The following SNTG2 variants were observed in gnomAD, a reference collection of about 807,000 sequenced individuals.
The protein encoded by SNTG2 is gamma-2-syntrophin.
A neutral mutation model predicts 70.9 loss-of-function variants in SNTG2; 74 were observed. The observed-to-expected ratio is 1.04, with a 90% confidence interval of 0.86 to 1.27. The LOEUF is 1.27. SNTG2 is among the 50% of genes most tolerant of loss of function. The pLI, the probability that SNTG2 is intolerant of heterozygous loss-of-function variation, is 0.00. For synonymous variants in SNTG2, 278 were observed against 273.8 expected (o/e 1.02, Z -0.15); for missense variants, 717 against 690.7 (o/e 1.04, Z -0.43).
At chr2:1,120,407 A>G (rs1414754491) in intron 4 of SNTG2, among the ~76,000 whole-genome samples, 3 of 152,332 alleles carry the variant, frequency 2.0e-5, no homozygotes, top group Non-Finnish European at 2.9e-5. Context: ...ATCTATCAAT[A>G]ATCACCTGGA....
intron 2 of SNTG2, among the ~76,000 whole-genome samples, chr2:1,091,404 A>G (rs1665018009): frequency 6.6e-6 from 1 of 152,160 alleles, no homozygotes; most frequent in Non-Finnish European, 1.5e-5. Context: ...TTCAGAGGAG[A>G]AGAGCATCTT....
At chr2:1,259,285 A>G in intron 12 of SNTG2, 85 bp from the exon 13 acceptor site, 1 of 1,133,778 alleles carries the variant, frequency 8.8e-7, no homozygotes, top group Non-Finnish European at 1.3e-6. Flanking sequence ...GTGGACACAC[A>G]TGCAGTCACA....
At chr2:953,585 G>A (rs1309131083) in intron 1 of SNTG2, among the ~76,000 whole-genome samples, 3 of 152,178 alleles carry the variant, frequency 2.0e-5, no homozygotes, top group Non-Finnish European at 2.9e-5. Flanking sequence ...CTTTGGTTAT[G>A]TTTCTCATCC....
At chr2:1,130,740 TAC>T (rs1205189371) in intron 4 of SNTG2, among the ~76,000 whole-genome samples, 1 of 152,194 alleles carries the variant, frequency 6.6e-6, no homozygotes, top group Non-Finnish European at 1.5e-5. Context: ...TTTGCTAGAG[TAC>T]AGTGTTGGAG....
At chr2:1,184,801 C>T (rs368107122) in intron 8 of SNTG2, among the ~76,000 whole-genome samples, 1 of 152,230 alleles carries the variant, frequency 6.6e-6, no homozygotes, top group African/African-American at 2.4e-5. Flanking sequence ...GACACAAATC[C>T]AAAACATATC....
chr2:996,673 GTTTTTTTTTTTTTTT>G, intron 1 of SNTG2, among the ~76,000 whole-genome samples: 6 of 35,114 alleles, frequency 1.7e-4, no homozygotes, highest in South Asian at 1.6e-3. Context: ...GAGTTACCCA[GTTTTTTTTTTTTTTT>G]TTTTTTTTTT....
chr2:1,185,974 A>G (rs1176248216), intron 8 of SNTG2, among the ~76,000 whole-genome samples: 9 of 152,340 alleles, frequency 5.9e-5, no homozygotes, highest in Admixed American at 5.9e-4. Context: ...CTTTCCTTCT[A>G]TATAAGTTCT....
intron 13 of SNTG2, among the ~76,000 whole-genome samples, chr2:1,259,911 C>T (rs56341802): frequency 0.092 from 14,058 of 152,248 alleles, 719 homozygotes; most frequent in South Asian, 0.15. Flanking sequence ...TGGGGCTGCC[C>T]GGAGCCTGGA....
intron 6 of SNTG2, among the ~76,000 whole-genome samples, chr2:1,145,785 A>G (rs1473013152): frequency 6.6e-6 from 1 of 152,242 alleles, no homozygotes; most frequent in Non-Finnish European, 1.5e-5. Flanking sequence ...TCTCATGAAC[A>G]TAGATGCAAA....
At chr2:1,043,454 G>A (rs1468839242) in intron 1 of SNTG2, among the ~76,000 whole-genome samples, 1 of 152,114 alleles carries the variant, frequency 6.6e-6, no homozygotes, top group African/African-American at 2.4e-5. Flanking sequence ...TGTTTCTGTT[G>A]CAATTGCATT....
intron 1 of SNTG2, among the ~76,000 whole-genome samples, chr2:993,199 A>G (rs1391074242): frequency 2.7e-5 from 4 of 148,066 alleles, no homozygotes; most frequent in African/African-American, 9.9e-5. Context: ...AGCATTAGGT[A>G]TATCTCCCAA....
intron 1 of SNTG2, among the ~76,000 whole-genome samples, chr2:1,020,227 G>T (rs1241354843): frequency 6.6e-6 from 1 of 152,240 alleles, no homozygotes; most frequent in Non-Finnish European, 1.5e-5. Flanking sequence ...TAGACGTGGG[G>T]TGGATGGTGG....
chr2:1,169,399 C>T (rs1670973271), intron 7 of SNTG2, among the ~76,000 whole-genome samples: 1 of 152,104 alleles, frequency 6.6e-6, no homozygotes, highest in Admixed American at 6.5e-5. Flanking sequence ...TGCGTCTAAG[C>T]CAGCTTCCCT....
chr2:1,031,633 C>A (rs1421633063), intron 1 of SNTG2, among the ~76,000 whole-genome samples: 1 of 148,450 alleles, frequency 6.7e-6, no homozygotes, highest in East Asian at 2.0e-4. Flanking sequence ...AGGGTTCAAG[C>A]AATTCTCCTG....
At chr2:1,355,629 G>A (rs1280271721) in intron 16 of SNTG2, among the ~76,000 whole-genome samples, 2 of 152,126 alleles carry the variant, frequency 1.3e-5, no homozygotes, top group Admixed American at 6.5e-5. Flanking sequence ...GCTATTGTGA[G>A]TAGTGCTGTA....
intron 1 of SNTG2, among the ~76,000 whole-genome samples, chr2:1,070,910 A>G (rs904538447): frequency 6.6e-6 from 1 of 152,238 alleles, no homozygotes; most frequent in Non-Finnish European, 1.5e-5. Flanking sequence ...GAGGGTGTGC[A>G]GTGCCTGCTG....
intron 8 of SNTG2, among the ~76,000 whole-genome samples, chr2:1,176,902 C>A (rs1469792765): frequency 2.6e-5 from 4 of 152,148 alleles, no homozygotes; most frequent in African/African-American, 9.7e-5. Context: ...TTCATTCAAC[C>A]ATTGTGGAAG....
At chr2:1,111,229 A>C (rs540700332) in intron 4 of SNTG2, among the ~76,000 whole-genome samples, 2 of 152,360 alleles carry the variant, frequency 1.3e-5, no homozygotes, top group South Asian at 4.1e-4. Flanking sequence ...TGGACTTAGT[A>C]GCTGAATGAG....
At position 1,338,430 on chromosome 2, in the gene SNTG2, G is replaced by A. The variant is rs1479748460; in HGVS notation, c.1488+22055G>A. Among the ~76,000 whole-genome samples the A allele has an allele frequency of 2.0e-5, 3 of 151,864 alleles. No individual in the cohort carries two copies. The East Asian group carries it at 5.8e-4, about 29-fold the overall frequency. Reference sequence around the variant, plus strand: ...CATCCATGGTTAAGTTCATTCCTTAGCATTTTACTTTTTCATCCTATTGTA... The same window carrying A: ...CATCCATGGTTAAGTTCATTCCTTAACATTTTACTTTTTCATCCTATTGTA... On this transcript the variant is annotated intron_variant, in intron 16 of 16. Coordinates refer to ENST00000308624, the MANE Select transcript of SNTG2 (RefSeq NM_018968.4).
Sources: gnomAD v4.1 joint callset for allele counts (sites outside exome capture counted in the v4.1 genomes callset) on GRCh38, gnomAD v4.1.1 for gene constraint, MANE v1.5 for transcripts, NCBI Gene and HGNC (gene_info 2026-07-23, HGNC 2026-07-21) for gene names.